Variants in LPA observed in about 807,000 individuals in gnomAD.
The protein encoded by LPA is lipoprotein(a).
In LPA, 199 loss-of-function variants were observed where a neutral mutation model predicts 197.9. The observed-to-expected ratio is 1.01, with a 90% CI of 0.90 to 1.13. The LOEUF (loss-of-function observed/expected upper bound fraction) is 1.13. Ranked by LOEUF, LPA falls within the 50% of genes most tolerant of loss-of-function variation. The probability of loss-of-function intolerance (pLI) is 0.00; values close to 1 mark genes in which losing one functional copy is unlikely to be tolerated. For missense variants in LPA, 1,853 were observed against 1,785.8 expected (o/e 1.04, Z -0.68); for synonymous variants, 715 against 639.5 (o/e 1.12, Z -1.78).
At chr6:160,559,844 G>A (rs896726685) in intron 28 of LPA, among the ~76,000 whole-genome samples, 6 of 152,016 alleles carry the variant, frequency 3.9e-5, no homozygotes, top group African/African-American at 1.5e-4. Context: ...AGAATGTGTG[G>A]GTTTGTTACA....
intron 25 of LPA, 23 bp downstream of exon 25, chr6:160,586,426 T>A (rs1254824856): frequency 6.2e-7 from 1 of 1,612,424 alleles, no homozygotes; most frequent in Non-Finnish European, 8.5e-7. Context: ...GAGGGTATGG[T>A]TGTCTGACTG....
chr6:160,563,003 CT>C (rs1235759121), intron 28 of LPA, among the ~76,000 whole-genome samples: 26 of 152,126 alleles, frequency 1.7e-4, no homozygotes, highest in African/African-American at 4.8e-5. Context: ...TTTTGTTAAT[CT>C]TTTCAAAAAA....
At chr6:160,549,381 T>C (rs1778131824) in intron 30 of LPA, among the ~76,000 whole-genome samples, 1 of 152,204 alleles carries the variant, frequency 6.6e-6, no homozygotes, top group Admixed American at 6.5e-5. Flanking sequence ...GAGGAACCGG[T>C]ATACGGATTT....
rs770263408 is a variant in LPA, at chr6:160,542,777, T to C, written c.5430A>G (p.Gln1810=). 5 of 1,614,098 alleles carry C rather than the reference T, an allele frequency of 3.1e-6. No individual in the cohort carries two copies. The highest frequency in any genetic ancestry group is 4.2e-6 in the Non-Finnish European group (5 of 1,179,980). ...ASSSFDCGKP[Q]VEPKKCPGSI... Reference sequence around the variant, plus strand: ...TTCCAGGACATTTCTTCGGCTCCACTTGAGGCTTCCCACAATCAAATGAAG... The same window carrying C: ...TTCCAGGACATTTCTTCGGCTCCACCTGAGGCTTCCCACAATCAAATGAAG... Residue 1810 remains glutamine (Q), a synonymous_variant, in exon 34 of 39, where the codon CAA becomes CAG. Transcript: ENST00000316300.
chr6:160,650,311 T>G (rs756630466), intron 2 of LPA, 27 bp downstream of exon 2: 1 of 1,611,470 alleles, frequency 6.2e-7, no homozygotes, highest in East Asian at 2.2e-5. Flanking sequence ...GGACCTTGTT[T>G]TGCTTACTGT....
rs540657819 is a variant in LPA, at chr6:160,572,236, C to T, written c.4631+4900G>A. On this transcript the variant is annotated intron_variant, in intron 28 of 38. Transcript: ENST00000316300. ...TCTAACCAGTCCCAATGAGATGAGC[C>T]GGGTACCTTGGTTGGAAATGCAGAA... Among the ~76,000 whole-genome samples, 6 of 152,224 alleles carry T rather than the reference C, an allele frequency of 3.9e-5. No individual in the cohort carries two copies. The South Asian group carries it at 6.2e-4, about 16-fold the overall frequency.
chr6:160,591,164 C>A, intron 22 of LPA, 63 bp from the exon 23 acceptor site: 4 of 1,597,142 alleles, frequency 2.5e-6, no homozygotes, highest in Admixed American at 1.7e-5. Context: ...CACCAGACAT[C>A]CTCTACATTT....
chr6:160,605,739 G>C (rs112492734), intron 17 of LPA, among the ~76,000 whole-genome samples: 10 of 152,300 alleles, frequency 6.6e-5, no homozygotes, highest in African/African-American at 2.4e-4. Context: ...TAGGACTGCA[G>C]ACAAAGACAC....
chr6:160,543,595 T>TA (rs1273212808), intron 33 of LPA, among the ~76,000 whole-genome samples: 1 of 152,180 alleles, frequency 6.6e-6, no homozygotes, highest in Non-Finnish European at 1.5e-5. Flanking sequence ...AAGTCTTTTG[T>TA]AAAAAAGAAG....
At chr6:160,609,291 T>G (rs879581627) in intron 16 of LPA, among the ~76,000 whole-genome samples, 1 of 152,120 alleles carries the variant, frequency 6.6e-6, no homozygotes, top group Non-Finnish European at 1.5e-5. Flanking sequence ...AGGCATTTTA[T>G]TGCTGGATTC....
At chr6:160,647,831 G>T (rs780103124) in intron 2 of LPA, among the ~76,000 whole-genome samples, 1 of 152,058 alleles carries the variant, frequency 6.6e-6, no homozygotes, top group South Asian at 2.1e-4. Context: ...GCTTCAACTC[G>T]TCAACTCTCA....
At chr6:160,586,885 T>C (rs970397077) in intron 24 of LPA, among the ~76,000 whole-genome samples, 2 of 152,196 alleles carry the variant, frequency 1.3e-5, no homozygotes, top group Non-Finnish European at 2.9e-5. Context: ...CATCAATGTG[T>C]ACCAGAAAGG....
At chr6:160,648,603 T>A (rs1248471819) in intron 2 of LPA, among the ~76,000 whole-genome samples, 1 of 152,108 alleles carries the variant, frequency 6.6e-6, no homozygotes, top group African/African-American at 2.4e-5. Flanking sequence ...TGTGTGTGTA[T>A]GCATGCGTGT....
intron 1 of LPA, 94 bp from the exon 2 acceptor site, chr6:160,650,591 G>T: frequency 8.0e-7 from 1 of 1,251,044 alleles, no homozygotes; most frequent in Non-Finnish European, 1.2e-6. Context: ...AAGTCTCTGA[G>T]AATTACGACC....
chr6:160,601,096 C>A lies in LPA; in HGVS notation c.2948G>T (p.Gly983Val), dbSNP rs1224875728. ...SRTPAYYPNA[G>V]LIKNYCRNPD... The stretch of plus-strand genomic sequence containing the variant: ...ATTTCGGCAGTAGTTCTTGATCAAG[C>A]CACTGGAAATTCCAAAAGAATACAC... Residue 983 changes from glycine (G) to valine (V), a missense_variant and splice_region_variant, in exon 19 of 39, where the codon GGC becomes GTC. Coordinates refer to ENST00000316300, the MANE Select transcript of LPA (RefSeq NM_005577.4). 2 of 1,613,970 alleles carry A rather than the reference C, an allele frequency of 1.2e-6. No homozygotes were observed. The highest frequency in any genetic ancestry group is 1.7e-6 in the Non-Finnish European group (2 of 1,179,950).
chr6:160,558,945 A>G (rs931445372), intron 28 of LPA, among the ~76,000 whole-genome samples: 1 of 152,214 alleles, frequency 6.6e-6, no homozygotes, highest in Non-Finnish European at 1.5e-5. Flanking sequence ...CCCCCATTTG[A>G]GTAAGCTGGT....
intron 24 of LPA, among the ~76,000 whole-genome samples, chr6:160,587,313 T>A (rs1354744617): frequency 6.6e-6 from 1 of 152,202 alleles, no homozygotes; most frequent in Non-Finnish European, 1.5e-5. Flanking sequence ...GATTTACTCC[T>A]TTGTTGGTCT....
chr6:160,540,078 G>GGGCT lies in LPA; in HGVS notation c.5696_5699dup (p.Thr1901AlafsTer19), dbSNP rs748553535. ...TTAGCAAGGCAATATCTGCTTGTGTGGGCTCCAAGAACAGCCTAGACACTT... is the reference window on the plus strand; with the variant it reads ...TTAGCAAGGCAATATCTGCTTGTGTGGGCTGGCTCCAAGAACAGCCTAGACACTT... On this transcript the variant is annotated frameshift_variant, in exon 36 of 39. Coordinates refer to ENST00000316300, the MANE Select transcript of LPA (RefSeq NM_005577.4). LOFTEE classifies it high-confidence loss of function. 3.1e-6 allele frequency: 5 copies of GGGCT among 1,613,998 alleles called. No individual in the cohort carries two copies. Among genetic ancestry groups the GGGCT allele is most frequent in the Non-Finnish European group, 3.4e-6 (4 of 1,180,034 alleles).
At chr6:160,596,922 G>A (rs1337376164) in intron 20 of LPA, among the ~76,000 whole-genome samples, 2 of 152,182 alleles carry the variant, frequency 1.3e-5, no homozygotes, top group African/African-American at 2.4e-5. Flanking sequence ...ATTCCTTAGT[G>A]ATGTTTTCTT....
Sources: gnomAD v4.1 joint callset for allele counts (sites outside exome capture counted in the v4.1 genomes callset) on GRCh38, gnomAD v4.1.1 for gene constraint, MANE v1.5 for transcripts, NCBI Gene and HGNC (gene_info 2026-07-23, HGNC 2026-07-21) for gene names.